The following COL6A2 variants were observed in gnomAD, a reference collection of about 807,000 sequenced individuals.
COL6A2 encodes collagen alpha-2(VI) chain.
A neutral mutation model predicts 124.9 loss-of-function variants in COL6A2; 90 were observed. The observed-to-expected ratio is 0.72, with a 90% confidence interval of 0.61 to 0.86. The LOEUF (loss-of-function observed/expected upper bound fraction) is 0.86. Ranked by LOEUF, COL6A2 falls within the 40% of genes least tolerant of loss-of-function variation. The probability of loss-of-function intolerance (pLI) is 0.00; values close to 1 mark genes in which losing one functional copy is unlikely to be tolerated. For synonymous variants in COL6A2, 793 were observed against 618.2 expected, an observed-to-expected ratio of 1.28 and a Z score of -4.19; for missense variants, 1,607 against 1,502.5, an observed-to-expected ratio of 1.07 and a Z score of -1.15.
At chr21:46,119,237 C>T (rs989432164) in intron 14 of COL6A2, 118 bp downstream of exon 14, 9 of 796,330 alleles carry the variant, frequency 1.1e-5, no homozygotes, top group African/African-American at 1.0e-4. Flanking sequence ...TGGCAAGGCA[C>T]AGCCAGGCCC....
At chr21:46,131,173 G>A (rs1205018651) in intron 27 of COL6A2, among the ~76,000 whole-genome samples, 3 of 152,198 alleles carry the variant, frequency 2.0e-5, no homozygotes, top group African/African-American at 4.8e-5. Context: ...AGGTCTTGGT[G>A]AGGCCACAGG....
At chr21:46,129,130 C>G (rs967778843) in intron 27 of COL6A2, 48 of 1,608,986 alleles carry the variant, frequency 3.0e-5, no homozygotes, top group East Asian at 8.9e-5. Context: ...AGCGGCTGCC[C>G]GAGGAGGAGC....
At chr21:46,113,845 C>A (rs1601221596) in intron 4 of COL6A2, 163 bp from the exon 5 acceptor site, 2 of 581,446 alleles carry the variant, frequency 3.4e-6, no homozygotes, top group East Asian at 3.3e-5. Flanking sequence ...CCTCACAGCA[C>A]CCCATGTCTC....
In COL6A2 at chr21:46,116,438, G is replaced by A. The variant is rs771874821; in HGVS notation, c.927+35G>A. 32 of 1,611,332 alleles carry A rather than the reference G, an allele frequency of 2.0e-5. No individual in the cohort carries two copies. Among genetic ancestry groups the A allele is most frequent in the South Asian group, 1.6e-4 (15 of 91,032 alleles). ...TTGCCCTGACAGACCTCAGACCTGC[G>A]CCAGCCTCGGCCCAGACCCACCTCT... On this transcript the variant is annotated intron_variant, in intron 8 of 27. Coordinates refer to ENST00000300527, the MANE Select transcript of COL6A2 (RefSeq NM_001849.4). This position sits in a 1 kb window ranked among gnomAD's most constrained non-coding sequence, Gnocchi z 4.6.
chr21:46,112,756 C>A lies in COL6A2; in HGVS notation c.715-48C>A, dbSNP rs545771784. 218 of 1,613,406 alleles carry A rather than the reference C, an allele frequency of 1.4e-4. 1 individual carries two copies. In the South Asian group the frequency reaches 2.0e-3, roughly 15 times the overall value. ...CACCCAGACTCGAGGTGCAGCCGCCCCAGGTCTCGAGGCACACGGCTAACC... is the reference window on the plus strand; with the variant it reads ...CACCCAGACTCGAGGTGCAGCCGCCACAGGTCTCGAGGCACACGGCTAACC... On this transcript the variant is annotated intron_variant, in intron 3 of 27. Transcript: ENST00000300527.
Position 46,120,176 on chromosome 21 carries a change from G to A in COL6A2, c.1332+326G>A, listed in dbSNP as rs928718626. ...GCCCACTGAGGCATTGCTCACCCAC[G>A]TGACCTCAGGGGTGATGCTGAAGGG... is the stretch of plus-strand genomic sequence containing the variant. On this transcript the variant is annotated intron_variant, in intron 15 of 27. Coordinates refer to ENST00000300527, the MANE Select transcript of COL6A2 (RefSeq NM_001849.4). 2.9e-4 allele frequency among the ~76,000 whole-genome samples: 22 copies of A among 74,840 alleles called. 1 individual carries two copies. Among genetic ancestry groups the A allele is most frequent in the Admixed American group, 2.9e-3 (13 of 4,452 alleles). The allele number at this position is 74,840 out of a possible 152,430, so 49.1% of individuals were successfully genotyped here.
chr21:46,118,318 C>A (rs1448325024), intron 12 of COL6A2, among the ~76,000 whole-genome samples: 1 of 152,150 alleles, frequency 6.6e-6, no homozygotes, highest in Non-Finnish European at 1.5e-5. Flanking sequence ...GGGCTTTTTT[C>A]TGGGAGCTTG....
At chr21:46,118,258 C>G (rs1306009966) in intron 12 of COL6A2, among the ~76,000 whole-genome samples, 3 of 152,138 alleles carry the variant, frequency 2.0e-5, no homozygotes, top group East Asian at 3.9e-4. Flanking sequence ...CTCTGCCCTC[C>G]TGGGCCGCCT....
At chr21:46,111,954 T>G (rs2078404632) in intron 2 of COL6A2, 25 bp from the exon 3 acceptor site, 1 of 1,605,748 alleles carries the variant, frequency 6.2e-7, no homozygotes, top group Non-Finnish European at 8.5e-7. Context: ...TGAGGCTGGC[T>G]CGTGACAGGT....
chr21:46,131,807 G>A, intron 27 of COL6A2, 147 bp from the exon 28 acceptor site: 2 of 745,664 alleles, frequency 2.7e-6, no homozygotes, highest in Non-Finnish European at 4.5e-6. Flanking sequence ...CACACCCAGG[G>A]CTGCCCTGCA....
chr21:46,120,671 C>T, intron 16 of COL6A2, 94 bp downstream of exon 16: 2 of 1,220,222 alleles, frequency 1.6e-6, no homozygotes, highest in Non-Finnish European at 2.2e-6. Flanking sequence ...GACTGCACCC[C>T]AAGGTAGGGG....
At position 46,126,182 on chromosome 21, in the gene COL6A2, C is replaced by T. The variant is rs775201159; in HGVS notation, c.2367C>T (p.Phe789=). The part of the protein sequence containing the change: ...KPQQVRNMTL[F]SDLVAEKFID... Reference sequence around the variant, plus strand: ...AGCAGGTGCGCAACATGACGCTGTTCTCCGACCTGGTCGCTGAGAAGTTCA... The same window carrying T: ...AGCAGGTGCGCAACATGACGCTGTTTTCCGACCTGGTCGCTGAGAAGTTCA... The change falls in exon 26 of 28, where the codon TTC becomes TTT. Residue 789 remains phenylalanine (F), a synonymous_variant. Coordinates refer to ENST00000300527, the MANE Select transcript of COL6A2 (RefSeq NM_001849.4). 3.1e-6 allele frequency: 5 copies of T among 1,606,560 alleles called. No individual in the cohort carries two copies. The highest frequency in any genetic ancestry group is 3.4e-6 in the Non-Finnish European group (4 of 1,179,854).
intron 18 of COL6A2, 101 bp from the exon 19 acceptor site, chr21:46,122,007 C>A: frequency 1.6e-6 from 2 of 1,276,948 alleles, no homozygotes; most frequent in South Asian, 1.2e-5. Flanking sequence ...GCACCCCTAG[C>A]CCACTTCCAC....
At chr21:46,128,147 C>T (rs1213716549) in intron 27 of COL6A2, among the ~76,000 whole-genome samples, 3 of 152,232 alleles carry the variant, frequency 2.0e-5, no homozygotes, top group Non-Finnish European at 2.9e-5. Flanking sequence ...ATTCTCCCTC[C>T]TGGGAGTGGG....
At chr21:46,102,015 T>C (rs1398359075) in intron 1 of COL6A2, among the ~76,000 whole-genome samples, 1 of 152,176 alleles carries the variant, frequency 6.6e-6, no homozygotes. Flanking sequence ...CATCTTAATA[T>C]AGTAAGTCTT....
rs775387246 is a variant in COL6A2, at chr21:46,132,278, T to C, written c.2786T>C (p.Val929Ala). ...GTGGTGCACGCCATCAATGCCATCGTGCGCAGCCCGCGTGGCGGGGCCCGG... is the reference window on the plus strand; with the variant it reads ...GTGGTGCACGCCATCAATGCCATCGCGCGCAGCCCGCGTGGCGGGGCCCGG... ...AGVVHAINAI[V>A]RSPRGGARRH... Residue 929 changes from valine (V) to alanine (A), a missense_variant, in exon 28 of 28, where the codon GTG (valine) becomes GCG (alanine). By Grantham distance (64) the Val-to-Ala change is moderately conservative. Coordinates refer to ENST00000300527, the MANE Select transcript of COL6A2 (RefSeq NM_001849.4). The C allele has an allele frequency of 1.2e-5, 20 of 1,606,762 alleles. No homozygotes were observed. The highest frequency in any genetic ancestry group is 1.7e-5 in the Non-Finnish European group (20 of 1,179,072).
rs748059929 is a variant in COL6A2, at chr21:46,125,833, C to T, written c.2018C>T (p.Ala673Val). Residue 673 changes from alanine to valine, a missense_variant, in exon 26 of 28, where the codon GCC (alanine) becomes GTC (valine). By Grantham distance (64) the Ala-to-Val change is moderately conservative (BLOSUM62 0). Around this residue, in one of 3 missense-constraint regions of COL6A2, gnomAD observed 1,223 missense variants for 1,052.2 expected, o/e 1.16. Coordinates refer to ENST00000300527, the MANE Select transcript of COL6A2 (RefSeq NM_001849.4). ...VQYSHEGTFE[A>V]IQLDDERIDS... ...TACAGCCACGAGGGCACCTTTGAGG[C>T]CATCCAGCTGGACGACGAACGTATC... 10 of 1,612,838 alleles carry T rather than the reference C, an allele frequency of 6.2e-6. No individual in the cohort carries two copies. The African/African-American group carries it at 6.7e-5, about 11-fold the overall frequency.
chr21:46,124,416 G>A (rs560969494), intron 21 of COL6A2, among the ~76,000 whole-genome samples: 79 of 152,244 alleles, frequency 5.2e-4, no homozygotes, highest in Middle Eastern at 6.8e-3. Flanking sequence ...ACCCAGCTCT[G>A]CCAGGCCCCT....
chr21:46,108,992 AGGCGGGTTGTCTTGTC>A (rs1023317650), intron 1 of COL6A2, among the ~76,000 whole-genome samples: 58 of 152,150 alleles, frequency 3.8e-4, no homozygotes, highest in Non-Finnish European at 5.4e-4. Flanking sequence ...CCCTCTCTGT[AGGCGGGTTGTCTTGTC>A]GGCGGGTTGT....
Sources: gnomAD v4.1 joint callset for allele counts (sites outside exome capture counted in the v4.1 genomes callset) on GRCh38, gnomAD v4.1.1 for gene constraint, gnomAD v4.1.1 regional missense constraint, Gnocchi (gnomAD v3.1) non-coding constraint, MANE v1.5 for transcripts, NCBI Gene and HGNC (gene_info 2026-07-23, HGNC 2026-07-21) for gene names.